The following PAICS variants were observed in gnomAD, a reference collection of about 807,000 sequenced individuals.
PAICS encodes the protein phosphoribosylaminoimidazole carboxylase and phosphoribosylaminoimidazolesuccinocarboxamide synthase, also known as bifunctional phosphoribosylaminoimidazole carboxylase/phosphoribosylaminoimidazole succinocarboxamide synthetase.
PAICS carries 33 observed loss-of-function variants against 53.7 expected under a neutral mutation model. The ratio of observed to expected loss-of-function variants is 0.61; its 90% confidence interval spans 0.47 to 0.82. The LOEUF (loss-of-function observed/expected upper bound fraction) is 0.82, where lower values mean the gene tolerates loss of function less well. Ranked by LOEUF, PAICS falls within the 40% of genes least tolerant of loss-of-function variation. The pLI is 0.00. For synonymous variants in PAICS, 141 were observed against 167.2 expected (o/e 0.84, Z 1.21); for missense variants, 394 against 494.1 (o/e 0.80, Z 1.92).
chr4:56,461,814 T>C lies in PAICS; in HGVS notation c.*2276T>C, dbSNP rs1162777856. The C allele has an allele frequency of 6.6e-6, 1 of 152,262 alleles. No individual in the cohort carries two copies. Among genetic ancestry groups the C allele is most frequent in the Admixed American group, 6.5e-5 (1 of 15,292 alleles). 9.4% of individuals were successfully genotyped at this position (152,262 alleles called of 1,614,324 possible). A position where few individuals can be genotyped will look rare whatever the true frequency, so the allele number is the denominator to read the frequency against. On this transcript the variant is annotated 3_prime_UTR_variant, in exon 9 of 9. Transcript: ENST00000512576. ...TCTGCTATCTTTTGAGTATTTATAC[T>C]TTCTACGGGCTTGTAGGTAAACATA...
rs1719498578 is a variant in PAICS, at chr4:56,461,196, TAGA to T, written c.*1662_*1664del. On this transcript the variant is annotated 3_prime_UTR_variant, in exon 9 of 9. Transcript: ENST00000512576. Reference sequence around the variant, plus strand: ...CTCTATTGAATTATTAGGTCCAGAATAGAAGATGTCATTGTACACTTTATTTCC... The same window carrying T: ...CTCTATTGAATTATTAGGTCCAGAATAGATGTCATTGTACACTTTATTTCC... The T allele has an allele frequency of 6.6e-6, 1 of 152,360 alleles. No individual in the cohort carries two copies. Among genetic ancestry groups the T allele is most frequent in the Non-Finnish European group, 1.5e-5 (1 of 68,028 alleles). 9.4% of individuals were successfully genotyped at this position (152,360 alleles called of 1,614,324 possible).
upstream of PAICS, chr4:56,435,293 G>C: frequency 6.2e-7 from 1 of 1,605,438 alleles, no homozygotes; most frequent in South Asian, 1.1e-5. Flanking sequence ...CCGACTGCGG[G>C]AAGCGGCTCC....
the PAICS span, chr4:56,410,898 GTAA>G: frequency 6.3e-6 from 1 of 157,546 alleles, no homozygotes; most frequent in Non-Finnish European, 7.5e-6. Flanking sequence ...ACCACTGAAG[GTAA>G]AAAAAAAAAA....
chr4:56,442,028 G>C (rs886576623), intron 2 of PAICS, 168 bp downstream of exon 2: 1 of 527,632 alleles, frequency 1.9e-6, no homozygotes, highest in Middle Eastern at 2.8e-4. Flanking sequence ...CACCTTATTT[G>C]GTTTGGGATT....
rs748869153 is a variant in PAICS at position 56,441,793 on chromosome 4, C to T, written c.147C>T (p.His49=). The T allele has an allele frequency of 6.2e-7, 1 of 1,602,232 alleles. No homozygotes were observed. Among genetic ancestry groups the T allele is most frequent in the Admixed American group, 1.7e-5 (1 of 57,988 alleles). Residue 49 remains histidine, a synonymous_variant, in exon 2 of 9, where the codon CAC becomes CAT. Coordinates refer to ENST00000512576, the MANE Select transcript of PAICS (RefSeq NM_001079524.2). ...ITAGNAARKN[H]LEGKAAISNK... is the part of the protein sequence containing the mutation. ...CAGGAAATGCAGCTAGAAAAAACCACCTGGAAGGAAAAGCTGCAATCTCAA... is the reference window on the plus strand; with the variant it reads ...CAGGAAATGCAGCTAGAAAAAACCATCTGGAAGGAAAAGCTGCAATCTCAA...
At chr4:56,458,774 C>G (rs1719353375) in intron 8 of PAICS, among the ~76,000 whole-genome samples, 1 of 152,098 alleles carries the variant, frequency 6.6e-6, no homozygotes, top group African/African-American at 2.4e-5. Flanking sequence ...CATAATAGTA[C>G]CACCTCAAGA....
rs1371929111 is a variant in PAICS, at chr4:56,464,290, G to A, written c.*4752G>A. ...CAAAGATGAACAAAATTAACCTTCT[G>A]CTCTCAATGAATCTTGGAAGTCTCC... On this transcript the variant is annotated 3_prime_UTR_variant, in exon 9 of 9. Coordinates refer to ENST00000512576, the MANE Select transcript of PAICS (RefSeq NM_001079524.2). The A allele has an allele frequency of 1.3e-5, 2 of 152,092 alleles. No homozygotes were observed. The highest frequency in any genetic ancestry group is 2.9e-5 in the Non-Finnish European group (2 of 68,028). The allele number at this position is 152,092 out of a possible 1,614,324, so 9.4% of individuals were successfully genotyped here.
chr4:56,433,589 G>T (rs1170946572), upstream of PAICS, among the ~76,000 whole-genome samples: 4 of 151,504 alleles, frequency 2.6e-5, no homozygotes, highest in Non-Finnish European at 5.9e-5. Context: ...GGCAAAAAAA[G>T]TAAATATAGT....
intron 7 of PAICS, 53 bp from the exon 8 acceptor site, chr4:56,453,550 C>G (rs1381110163): frequency 1.8e-4 from 186 of 1,058,776 alleles, no homozygotes; most frequent in East Asian, 2.2e-4. Flanking sequence ...AAAACCCTGT[C>G]TTTAAATCTG....
intron 5 of PAICS, among the ~76,000 whole-genome samples, chr4:56,449,039 T>C (rs538979176): frequency 6.6e-6 from 1 of 152,326 alleles, no homozygotes; most frequent in Non-Finnish European, 1.5e-5. Flanking sequence ...TCATCTGTTA[T>C]CTTAATAACA....
Position 56,460,379 on chromosome 4 carries a change from G to T in PAICS, c.*841G>T, listed in dbSNP as rs1719447185. 2 of 151,894 alleles carry T rather than the reference G, an allele frequency of 1.3e-5. No homozygotes were observed. 9.4% of individuals were successfully genotyped at this position (151,894 alleles called of 1,614,324 possible). ...ATCTCACTCATCACCAAGTCATGTT[G>T]GTGTTAATTTCTGATTAACCCTTGA... is the stretch of plus-strand genomic sequence containing the variant. On this transcript the variant is annotated 3_prime_UTR_variant, in exon 9 of 9. Coordinates refer to ENST00000512576, the MANE Select transcript of PAICS (RefSeq NM_001079524.2).
upstream of PAICS, chr4:56,436,000 G>T: frequency 6.5e-7 from 1 of 1,528,478 alleles, no homozygotes; most frequent in Non-Finnish European, 8.8e-7. Context: ...GCAGAGTGGG[G>T]AGGGGCCGCC....
At chr4:56,432,997 T>TTA (rs370961590), upstream of PAICS, among the ~76,000 whole-genome samples, 10,720 of 148,390 alleles carry the variant, frequency 0.072, 575 homozygotes, top group African/African-American at 0.13. Context: ...CACACGTATT[T>TTA]TATATATATA....
chr4:56,417,091 C>T, the PAICS span, among the ~76,000 whole-genome samples: 1 of 152,174 alleles, frequency 6.6e-6, no homozygotes, highest in Non-Finnish European at 1.5e-5. Flanking sequence ...TCTGGTGATC[C>T]ACCCGCCTCG....
At chr4:56,455,463 C>G (rs1250211336) in intron 8 of PAICS, among the ~76,000 whole-genome samples, 1 of 152,160 alleles carries the variant, frequency 6.6e-6, no homozygotes, top group African/African-American at 2.4e-5. Context: ...TAGGATCCCC[C>G]TTTACCATAA....
chr4:56,433,397 TAA>T (rs34598008), upstream of PAICS, among the ~76,000 whole-genome samples: 4,578 of 118,230 alleles, frequency 0.039, 251 homozygotes, highest in African/African-American at 0.13. Context: ...TGGTATTCAT[TAA>T]AAAAAAAAAA....
chr4:56,436,790 TACGAG>T (rs1718005104), intron 1 of PAICS, among the ~76,000 whole-genome samples: 1 of 152,144 alleles, frequency 6.6e-6, no homozygotes, highest in South Asian at 2.1e-4. Context: ...AGGTCAGTAG[TACGAG>T]ACCAGCCTGG....
upstream of PAICS, chr4:56,435,496 T>C (rs778956686): frequency 2.5e-6 from 4 of 1,612,752 alleles, no homozygotes; most frequent in East Asian, 2.2e-5. Flanking sequence ...CGAAAGCACG[T>C]GGAAGGACCT....
At chr4:56,430,021 G>C in the PAICS span, among the ~76,000 whole-genome samples, 7 of 152,248 alleles carry the variant, frequency 4.6e-5, no homozygotes, top group African/African-American at 1.7e-4. Flanking sequence ...CACTGCCTTG[G>C]AGGCCAAGGC....
Sources: gnomAD v4.1 joint callset for allele counts (sites outside exome capture counted in the v4.1 genomes callset) on GRCh38, gnomAD v4.1.1 for gene constraint, MANE v1.5 for transcripts, NCBI Gene and HGNC (gene_info 2026-07-23, HGNC 2026-07-21) for gene names.